DCBLD1: variants seen among roughly 807,000 people sequenced by gnomAD.
The protein encoded by DCBLD1 is discoidin, CUB and LCCL domain containing 1, also known as discoidin, CUB and LCCL domain-containing protein 1.
Under a neutral mutation model 71.5 loss-of-function variants are expected in DCBLD1, and 57 were observed. That is an observed-to-expected ratio of 0.80 (90% CI 0.64 to 0.99). The LOEUF is 0.99. Among genes scored for constraint, DCBLD1 ranks in the 50% least tolerant of loss-of-function variants. The pLI, the probability that DCBLD1 is intolerant of heterozygous loss-of-function variation, is 0.00. For missense variants in DCBLD1, 891 were observed against 923.5 expected, an observed-to-expected ratio of 0.96 and a Z score of 0.46; for synonymous variants, 380 against 363.8, an observed-to-expected ratio of 1.04 and a Z score of -0.51.
At chr6:117,498,815 A>G (rs1014773177) in intron 1 of DCBLD1, among the ~76,000 whole-genome samples, 4 of 152,070 alleles carry the variant, frequency 2.6e-5, no homozygotes, top group African/African-American at 4.8e-5. Flanking sequence ...GGCATCCCTC[A>G]AAAAAATGGC....
chr6:117,569,267 G>A (rs998359248), intron 14 of DCBLD1, among the ~76,000 whole-genome samples: 3 of 152,162 alleles, frequency 2.0e-5, no homozygotes, highest in Admixed American at 1.3e-4. Flanking sequence ...GTCCTGTTCT[G>A]AGTACTTTAT....
chr6:117,557,302 G>T (rs192510217), intron 14 of DCBLD1, among the ~76,000 whole-genome samples: 39 of 152,202 alleles, frequency 2.6e-4, no homozygotes, highest in African/African-American at 8.9e-4. Context: ...TTCTTTTGGA[G>T]AAAATATGCC....
intron 14 of DCBLD1, among the ~76,000 whole-genome samples, chr6:117,566,070 T>C (rs1360312225): frequency 6.6e-6 from 1 of 152,200 alleles, no homozygotes; most frequent in Admixed American, 6.5e-5. Context: ...CTTCTTTTAC[T>C]ATGAATGGAT....
chr6:117,569,421 G>C, intron 14 of DCBLD1: 6 of 1,082,330 alleles, frequency 5.5e-6, no homozygotes, highest in Non-Finnish European at 7.6e-6. Context: ...AAATCTGACT[G>C]AATGTCAGCT....
At chr6:117,546,960 T>C (rs1408186417) in intron 14 of DCBLD1, among the ~76,000 whole-genome samples, 1 of 152,200 alleles carries the variant, frequency 6.6e-6, no homozygotes, top group Non-Finnish European at 1.5e-5. Flanking sequence ...CATCCCAGCC[T>C]CAAAGAGTCC....
At position 117,503,994 on chromosome 6, in the gene DCBLD1, C is replaced by G. The variant is rs1163433599; in HGVS notation, c.325+15C>G. On this transcript the variant is annotated intron_variant, in intron 2 of 14. Coordinates refer to ENST00000338728, the MANE Select transcript of DCBLD1 (RefSeq NM_001366458.2). ...AGATCAATATGGTAAGAAAAGAGAA[C>G]TAGGTTTCTCTGAGCATCAAAATTT... is the stretch of plus-strand genomic sequence containing the variant. 1.9e-6 allele frequency: 3 copies of G among 1,612,404 alleles called. No individual in the cohort carries two copies. Among genetic ancestry groups the G allele is most frequent in the Non-Finnish European group, 2.5e-6 (3 of 1,179,232 alleles).
In DCBLD1 at chr6:117,482,872, C is replaced by T; in HGVS notation, c.91C>T (p.Arg31Trp). ...GCTGCTCGCGGTCTCCGCCCCGCTC[C>T]GGCTGCAGGCGGAGGAGCTGGGTGA... ...ALLLAVSAPL[R>W]LQAEELGDGC... Residue 31 changes from arginine (R) to tryptophan (W), a missense_variant, in exon 1 of 15, where the codon CGG becomes TGG. Physicochemically the swap from Arg to Trp is moderately radical, Grantham distance 101. Transcript: ENST00000338728. 9 of 1,190,692 alleles carry T rather than the reference C, an allele frequency of 7.6e-6. No individual in the cohort carries two copies. The highest frequency in any genetic ancestry group is 9.4e-6 in the Non-Finnish European group (9 of 960,492). The allele number at this position is 1,190,692 out of a possible 1,614,324, so 73.8% of individuals were successfully genotyped here.
Position 117,519,902 on chromosome 6 carries a change from A to G in DCBLD1, c.412A>G (p.Ile138Val), listed in dbSNP as rs1175812137. Residue 138 changes from isoleucine to valine, a missense_variant, in exon 3 of 15, where the codon ATT becomes GTT. Transcript: ENST00000338728. ...CGTCCGCTTTGAGAGTGGATCCCAC[A>G]TTTCTGGCCGGGGTTTTTTGCTGAC... ...VTVRFESGSH[I>V]SGRGFLLTYA... 6 of 1,614,132 alleles carry G rather than the reference A, an allele frequency of 3.7e-6. No homozygotes were observed. Among genetic ancestry groups the G allele is most frequent in the Non-Finnish European group, 5.1e-6 (6 of 1,180,016 alleles).
intron 1 of DCBLD1, among the ~76,000 whole-genome samples, chr6:117,489,249 G>A (rs1480368954): frequency 6.6e-6 from 1 of 152,150 alleles, no homozygotes; most frequent in South Asian, 2.1e-4. Flanking sequence ...GAGAGACAGA[G>A]CAAGAGACAT....
Position 117,544,547 on chromosome 6 carries a change from C to A in DCBLD1, c.1465C>A (p.Pro489Thr). The A allele has an allele frequency of 1.2e-6, 2 of 1,613,842 alleles. No homozygotes were observed. The highest frequency in any genetic ancestry group is 1.7e-6 in the Non-Finnish European group (2 of 1,179,954). The change falls in exon 13 of 15, where the codon CCG (proline) becomes ACG (threonine). Residue 489 changes from proline to threonine, a missense_variant. Pro to Thr is a conservative substitution (Grantham distance 38). Transcript: ENST00000338728. ...AFRKKKKKGS[P>T]YGSAEAQKTD... ...TGATAGGAAGAAGAAGAAAGGAAGT[C>A]CGTATGGATCAGCAGAGGCTCAGAA...
At chr6:117,526,749 G>C (rs1238304491) in intron 5 of DCBLD1, among the ~76,000 whole-genome samples, 1 of 152,182 alleles carries the variant, frequency 6.6e-6, no homozygotes, top group Non-Finnish European at 1.5e-5. Flanking sequence ...ACTCGGATTA[G>C]TGCCTTTTTT....
At chr6:117,497,006 C>CT (rs1245741644) in intron 1 of DCBLD1, among the ~76,000 whole-genome samples, 1 of 152,130 alleles carries the variant, frequency 6.6e-6, no homozygotes, top group African/African-American at 2.4e-5. Context: ...CTGTCTTACT[C>CT]TAAGGACTAG....
chr6:117,504,780 A>G (rs1777783291), intron 2 of DCBLD1, among the ~76,000 whole-genome samples: 1 of 152,230 alleles, frequency 6.6e-6, no homozygotes, highest in Admixed American at 6.5e-5. Context: ...CTCAGGTTGG[A>G]CAATTTGAAA....
chr6:117,551,978 T>C (rs1341150880), downstream of DCBLD1, among the ~76,000 whole-genome samples: 3 of 151,912 alleles, frequency 2.0e-5, no homozygotes. Flanking sequence ...AAAATTAAAT[T>C]AGCCAGTTGT....
rs898049755 is a variant in DCBLD1, at chr6:117,549,564, G to T, written c.*1125G>T. The T allele has an allele frequency of 1.0e-6, 1 of 985,294 alleles. No individual in the cohort carries two copies. The highest frequency in any genetic ancestry group is 1.2e-6 in the Non-Finnish European group (1 of 829,904). The allele number at this position is 985,294 out of a possible 1,614,324, so 61.0% of individuals were successfully genotyped here. On this transcript the variant is annotated 3_prime_UTR_variant, in exon 15 of 15. Transcript: ENST00000338728. ...CCTCTTTTGCCAAAGAGGGAAGTGT[G>T]TGTGTTTTTTTAATAGAAAATATGG... is the stretch of plus-strand genomic sequence containing the variant.
intron 5 of DCBLD1, among the ~76,000 whole-genome samples, chr6:117,525,684 A>G (rs183124653): frequency 6.6e-6 from 1 of 152,332 alleles, no homozygotes; most frequent in Admixed American, 6.5e-5. Context: ...GTATTATTCC[A>G]TCCACTTTTT....
In DCBLD1 at chr6:117,540,356, T is replaced by C. The variant is rs1438658040; in HGVS notation, c.1102-312T>C. ...CAAAAGTGAGAGAGCTGAAGCCTTGTGCTCTTGAGGTTGCTTGTCTATAGC... is the reference window on the plus strand; with the variant it reads ...CAAAAGTGAGAGAGCTGAAGCCTTGCGCTCTTGAGGTTGCTTGTCTATAGC... On this transcript the variant is annotated intron_variant, in intron 9 of 14. Coordinates refer to ENST00000338728, the MANE Select transcript of DCBLD1 (RefSeq NM_001366458.2). 5 of 253,800 alleles carry C rather than the reference T, an allele frequency of 2.0e-5. No individual in the cohort carries two copies. The East Asian group carries it at 4.3e-4, about 22-fold the overall frequency. 15.7% of individuals were successfully genotyped at this position (253,800 alleles called of 1,614,324 possible). A position where few individuals can be genotyped will look rare whatever the true frequency, so the allele number is the denominator to read the frequency against.
chr6:117,483,011 A>G (rs1776955503), intron 1 of DCBLD1, 118 bp downstream of exon 1: 1 of 1,007,436 alleles, frequency 9.9e-7, no homozygotes, highest in Non-Finnish European at 1.2e-6. Context: ...GGGGGGACGG[A>G]GCGCGGGAGG....
chr6:117,493,844 G>T (rs887513955), intron 1 of DCBLD1, among the ~76,000 whole-genome samples: 4 of 152,192 alleles, frequency 2.6e-5, no homozygotes, highest in Non-Finnish European at 5.9e-5. Flanking sequence ...GGGATGTGTG[G>T]TGAAGAAAGG....
Sources: gnomAD v4.1 joint callset for allele counts (sites outside exome capture counted in the v4.1 genomes callset) on GRCh38, gnomAD v4.1.1 for gene constraint, MANE v1.5 for transcripts, NCBI Gene and HGNC (gene_info 2026-07-23, HGNC 2026-07-21) for gene names.